Variants in KLHL29 observed in about 807,000 individuals in gnomAD.
The protein encoded by KLHL29 is kelch like family member 29.
In KLHL29, 21 loss-of-function variants were observed where a neutral mutation model predicts 80.4. The observed-to-expected ratio is 0.26, with a 90% CI of 0.19 to 0.38. The LOEUF (loss-of-function observed/expected upper bound fraction) is 0.38. Among genes scored for constraint, KLHL29 ranks in the 10% least tolerant of loss-of-function variants. The pLI is 1.00. For synonymous variants in KLHL29, 511 were observed against 526.8 expected (o/e 0.97, Z 0.41); for missense variants, 867 against 1,223.9 (o/e 0.71, Z 4.35).
chr2:23,521,834 T>G (rs1666113860), intron 2 of KLHL29, among the ~76,000 whole-genome samples: 1 of 152,220 alleles, frequency 6.6e-6, no homozygotes, highest in African/African-American at 2.4e-5. Flanking sequence ...AGTAGTATCA[T>G]TAATTATGCA....
chr2:23,524,560 C>T (rs1230615160), intron 2 of KLHL29, among the ~76,000 whole-genome samples: 1 of 152,170 alleles, frequency 6.6e-6, no homozygotes, highest in African/African-American at 2.4e-5. Flanking sequence ...CTCTGCTCTG[C>T]CCAAGTGAGG....
In KLHL29 at chr2:23,700,760, G is replaced by A. The variant is rs531145715; in HGVS notation, c.2106-2426G>A. The stretch of plus-strand genomic sequence containing the variant: ...AAATGGGTTCTGCACCTCTTGTTCC[G>A]GTTGAAGTGCCCTTGACTACAGAGC... On this transcript the variant is annotated intron_variant, in intron 11 of 13. Transcript: ENST00000486442. This position sits in a 1 kb window ranked among gnomAD's most constrained non-coding sequence, Gnocchi z 4.6. Among the ~76,000 whole-genome samples the A allele has an allele frequency of 2.4e-4, 37 of 152,092 alleles. No homozygotes were observed. Among genetic ancestry groups the A allele is most frequent in the Non-Finnish European group, 3.8e-4 (26 of 68,018 alleles).
In KLHL29 at chr2:23,503,384, A is replaced by G. The variant is rs1458664368; in HGVS notation, c.-46+27717A>G. 5.3e-5 allele frequency among the ~76,000 whole-genome samples: 8 copies of G among 152,116 alleles called. No individual in the cohort carries two copies. The highest frequency in any genetic ancestry group is 8.8e-5 in the Non-Finnish European group (6 of 68,022). On this transcript the variant is annotated intron_variant, in intron 2 of 13. Coordinates refer to ENST00000486442, the MANE Select transcript of KLHL29 (RefSeq NM_052920.2). The surrounding 1 kb of genome is among the most constrained non-coding windows in gnomAD (Gnocchi z 4.0). ...TAGCCTGACCTTCCATGGCTCTATA[A>G]TTCTCTTTGTTATCTTTGGCCACTT...
At chr2:23,408,492 C>G (rs553992164) in intron 1 of KLHL29, among the ~76,000 whole-genome samples, 1 of 152,146 alleles carries the variant, frequency 6.6e-6, no homozygotes, top group African/African-American at 2.4e-5. Context: ...TGGCTTTCTT[C>G]ATGTGAGCTC....
intron 5 of KLHL29, among the ~76,000 whole-genome samples, chr2:23,658,177 A>G (rs1670298741): frequency 1.3e-5 from 2 of 151,618 alleles, no homozygotes; most frequent in African/African-American, 4.8e-5. Context: ...ACACCCTTCA[A>G]GGGTCCCACC....
rs1671889067 is a variant in KLHL29, at chr2:23,695,405, C to T, written c.1543-218C>T. On this transcript the variant is annotated intron_variant, in intron 8 of 13. Transcript: ENST00000486442. This position sits in a 1 kb window ranked among gnomAD's most constrained non-coding sequence, Gnocchi z 7.6. ...TGCAGGGCTGGCTGCAGCCTGCCAG[C>T]CTCCCCTCCGCACCCCTGCGCTCCC... is the stretch of plus-strand genomic sequence containing the variant. Among the ~76,000 whole-genome samples, 1 of 152,058 alleles carries T rather than the reference C, an allele frequency of 6.6e-6. No individual in the cohort carries two copies. The highest frequency in any genetic ancestry group is 1.5e-5 in the Non-Finnish European group (1 of 67,992).
Position 23,586,021 on chromosome 2 carries a change from G to A in KLHL29, c.285+23540G>A, listed in dbSNP as rs72780363. On this transcript the variant is annotated intron_variant, in intron 3 of 13. Transcript: ENST00000486442. ...AATGTTTAAGCCTAGCCTGGAGCCA[G>A]GACTATGCAGAACGAGAGCACACAG... Among the ~76,000 whole-genome samples the A allele has an allele frequency of 7.7e-3, 1,171 of 152,262 alleles. 14 individuals are homozygous for A. Among genetic ancestry groups the A allele is most frequent in the Non-Finnish European group, 1.0e-2 (680 of 68,020 alleles).
intron 2 of KLHL29, among the ~76,000 whole-genome samples, chr2:23,557,119 G>A (rs986788037): frequency 1.3e-5 from 2 of 152,176 alleles, no homozygotes; most frequent in African/African-American, 4.8e-5. Context: ...TGTTTTGTCG[G>A]TAATTGCTTG....
chr2:23,522,539 C>A (rs1367900016), intron 2 of KLHL29, among the ~76,000 whole-genome samples: 1 of 151,610 alleles, frequency 6.6e-6, no homozygotes, highest in Middle Eastern at 3.2e-3. Context: ...GATGGAAGAC[C>A]TTTTACCTTT....
chr2:23,623,877 C>G (rs1669244937), intron 3 of KLHL29, among the ~76,000 whole-genome samples: 1 of 152,196 alleles, frequency 6.6e-6, no homozygotes, highest in Admixed American at 6.5e-5. Context: ...AGAGAGCTGC[C>G]AGCTAGCTGT....
chr2:23,583,158 G>T (rs891673299), intron 3 of KLHL29, among the ~76,000 whole-genome samples: 1 of 152,094 alleles, frequency 6.6e-6, no homozygotes, highest in South Asian at 2.1e-4. Flanking sequence ...TTCAGACTTC[G>T]GACCTCCCAA....
At chr2:23,620,433 G>A (rs1260939531) in intron 3 of KLHL29, among the ~76,000 whole-genome samples, 1 of 152,188 alleles carries the variant, frequency 6.6e-6, no homozygotes, top group African/African-American at 2.4e-5. Flanking sequence ...GAGGGTCAGG[G>A]AGGCCAGGGC....
intron 2 of KLHL29, among the ~76,000 whole-genome samples, chr2:23,555,793 A>G (rs949979161): frequency 1.3e-5 from 2 of 152,186 alleles, no homozygotes; most frequent in African/African-American, 2.4e-5. Context: ...GCTGTTGGGC[A>G]CACCCCAGCG....
intron 2 of KLHL29, among the ~76,000 whole-genome samples, chr2:23,494,236 A>AG (rs1055393120): frequency 1.1e-4 from 17 of 152,336 alleles, no homozygotes; most frequent in Admixed American, 3.3e-4. Context: ...AAATTTATTC[A>AG]GGGGCATTGA....
chr2:23,389,797 T>C (rs7600155), intron 1 of KLHL29, among the ~76,000 whole-genome samples: 44,493 of 152,118 alleles, frequency 0.29, 6,787 homozygotes, highest in South Asian at 0.38. Context: ...ACGCAAATGT[T>C]TGGAAGCTGG....
intron 2 of KLHL29, among the ~76,000 whole-genome samples, chr2:23,497,875 C>T (rs1185195220): frequency 6.6e-6 from 1 of 152,154 alleles, no homozygotes; most frequent in Non-Finnish European, 1.5e-5. Context: ...GCCTGTATTA[C>T]AGGAGCACCG....
At chr2:23,560,103 C>T (rs1231376405) in intron 2 of KLHL29, among the ~76,000 whole-genome samples, 2 of 152,088 alleles carry the variant, frequency 1.3e-5, no homozygotes, top group South Asian at 4.1e-4. Context: ...ATGGAGTGGC[C>T]AGGGCGAAGG....
intron 3 of KLHL29, among the ~76,000 whole-genome samples, chr2:23,598,206 A>G (rs960387774): frequency 3.3e-5 from 5 of 152,206 alleles, no homozygotes; most frequent in Non-Finnish European, 7.3e-5. Flanking sequence ...TGCCTTGCAC[A>G]TATTTTGCAT....
At chr2:23,468,252 A>G (rs977928369) in intron 1 of KLHL29, among the ~76,000 whole-genome samples, 3 of 152,080 alleles carry the variant, frequency 2.0e-5, no homozygotes, top group African/African-American at 7.2e-5. Context: ...CTCAGATTAT[A>G]AATCTTCCAT....
Sources: gnomAD v4.1 joint callset for allele counts (sites outside exome capture counted in the v4.1 genomes callset) on GRCh38, gnomAD v4.1.1 for gene constraint, Gnocchi (gnomAD v3.1) non-coding constraint, MANE v1.5 for transcripts, NCBI Gene and HGNC (gene_info 2026-07-23, HGNC 2026-07-21) for gene names.